The following DGKG variants were observed in gnomAD, a reference collection of about 807,000 sequenced individuals.
DGKG encodes diacylglycerol kinase gamma.
Under a neutral mutation model 105.3 loss-of-function variants are expected in DGKG, and 78 were observed. The observed-to-expected ratio is 0.74, with a 90% CI of 0.62 to 0.89. DGKG has a LOEUF of 0.89. DGKG is among the 40% of genes least tolerant of loss of function. The probability of loss-of-function intolerance (pLI) is 0.00; values close to 1 mark genes in which losing one functional copy is unlikely to be tolerated. For missense variants in DGKG, 958 were observed against 1,020.1 expected (o/e 0.94, Z 0.83); for synonymous variants, 346 against 367.1 (o/e 0.94, Z 0.66).
chr3:186,207,860 G>A (rs537548308), intron 21 of DGKG, among the ~76,000 whole-genome samples: 4 of 152,250 alleles, frequency 2.6e-5, no homozygotes, highest in Admixed American at 2.0e-4. Flanking sequence ...GTAAGCAAGC[G>A]CCATATTGAA....
chr3:186,170,303 G>A (rs1405110359), intron 22 of DGKG, among the ~76,000 whole-genome samples: 2 of 152,182 alleles, frequency 1.3e-5, no homozygotes, highest in Non-Finnish European at 2.9e-5. Context: ...GTTATTGGGT[G>A]GATCATTCCC....
At chr3:186,306,832 G>A in intron 3 of DGKG, 69 bp downstream of exon 3, 2 of 1,126,676 alleles carry the variant, frequency 1.8e-6, no homozygotes, top group East Asian at 2.4e-5. Flanking sequence ...GTCTCCAAGA[G>A]GGAAACAAAT....
chr3:186,308,514 T>C (rs906411307), intron 2 of DGKG, among the ~76,000 whole-genome samples: 2 of 152,192 alleles, frequency 1.3e-5, no homozygotes, highest in African/African-American at 4.8e-5. Context: ...GGTTAATGTC[T>C]CTTAAGCCTA....
At chr3:186,333,570 C>A (rs1725696639) in intron 1 of DGKG, among the ~76,000 whole-genome samples, 1 of 152,194 alleles carries the variant, frequency 6.6e-6, no homozygotes, top group Non-Finnish European at 1.5e-5. Flanking sequence ...ATGTGTTTTT[C>A]ATACTCCTTC....
chr3:186,174,339 G>A (rs751045646), intron 22 of DGKG, among the ~76,000 whole-genome samples: 8 of 152,116 alleles, frequency 5.3e-5, no homozygotes, highest in Non-Finnish European at 1.2e-4. Context: ...TTCCGACTTT[G>A]CTACACAGTA....
At chr3:186,275,497 G>A (rs186672482) in intron 10 of DGKG, 50 bp downstream of exon 10, 158 of 1,493,010 alleles carry the variant, frequency 1.1e-4, no homozygotes, top group East Asian at 8.2e-4. Context: ...CCAACCATGC[G>A]CAGAGCAAGA....
chr3:186,205,682 C>T (rs1021609057), intron 21 of DGKG, among the ~76,000 whole-genome samples: 3 of 151,852 alleles, frequency 2.0e-5, no homozygotes, highest in African/African-American at 7.3e-5. Context: ...CGCACTCCAG[C>T]CTGGGTGACA....
At chr3:186,259,053 G>A (rs1180544287) in intron 16 of DGKG, among the ~76,000 whole-genome samples, 2 of 152,200 alleles carry the variant, frequency 1.3e-5, no homozygotes, top group Non-Finnish European at 2.9e-5. Context: ...AATCACTGAT[G>A]CATGTGTAGG....
In DGKG at chr3:186,147,619, TC is replaced by T. The variant is rs2108462726; in HGVS notation, c.*2470del. The T allele has an allele frequency of 6.1e-6, 6 of 985,458 alleles. No individual in the cohort carries two copies. The South Asian group carries it at 1.4e-4, about 23-fold the overall frequency. The allele number at this position is 985,458 out of a possible 1,614,324, so 61.0% of individuals were successfully genotyped here. ...TATGTCTCTCAAGCAACATTGCAAG[TC>T]CTGTGCACTAGGGTGCAGCAGGTAA... On this transcript the variant is annotated 3_prime_UTR_variant, in exon 25 of 25. Transcript: ENST00000265022.
chr3:186,257,663 C>T (rs894936207), intron 17 of DGKG, 191 bp downstream of exon 17: 4 of 538,352 alleles, frequency 7.4e-6, no homozygotes, highest in African/African-American at 3.9e-5. Context: ...TGGAGGGAAT[C>T]ATTCGATTGT....
chr3:186,272,259 C>T lies in DGKG; in HGVS notation c.995G>A (p.Gly332Asp). 1 of 1,612,994 alleles carries T rather than the reference C, an allele frequency of 6.2e-7. No homozygotes were observed. Among genetic ancestry groups the T allele is most frequent in the Admixed American group, 1.7e-5 (1 of 60,018 alleles). Reference sequence around the variant, plus strand: ...AAGGCAGTAGATGTCACCAACCTCACCACTCCTTTTGGCTTTTGAGTACGT... The same window carrying T: ...AAGGCAGTAGATGTCACCAACCTCATCACTCCTTTTGGCTTTTGAGTACGT... ...VKTYSKAKRSGEVMQHAWVEG... is the reference protein window; with the variant it reads ...VKTYSKAKRSDEVMQHAWVEG... Residue 332 changes from glycine to aspartate, a missense_variant, in exon 11 of 25, where the codon GGT becomes GAT. Coordinates refer to ENST00000265022, the MANE Select transcript of DGKG (RefSeq NM_001346.3).
intron 22 of DGKG, among the ~76,000 whole-genome samples, chr3:186,167,070 A>G (rs1716583158): frequency 6.6e-6 from 1 of 151,286 alleles, no homozygotes; most frequent in African/African-American, 2.4e-5. Flanking sequence ...CTTCCCACAC[A>G]TTACCTTGCT....
Position 186,274,779 on chromosome 3 carries a change from A to G in DGKG, c.910+768T>C, listed in dbSNP as rs955717391. On this transcript the variant is annotated intron_variant, in intron 10 of 24. Transcript: ENST00000265022. The stretch of plus-strand genomic sequence containing the variant: ...ATATGTGCCACATTTTCTTAATCCA[A>G]TCTATCATTGATGGACATTTGGGTT... Among the ~76,000 whole-genome samples, 9 of 151,964 alleles carry G rather than the reference A, an allele frequency of 5.9e-5. No homozygotes were observed. In the East Asian group the frequency reaches 7.7e-4, roughly 13 times the overall value.
chr3:186,322,139 T>C (rs1725110627), intron 1 of DGKG, among the ~76,000 whole-genome samples: 1 of 152,198 alleles, frequency 6.6e-6, no homozygotes, highest in Non-Finnish European at 1.5e-5. Context: ...TCTTTAAATA[T>C]TGAAATGTTT....
chr3:186,248,568 C>T (rs1300118269), intron 19 of DGKG, among the ~76,000 whole-genome samples: 1 of 152,236 alleles, frequency 6.6e-6, no homozygotes, highest in Non-Finnish European at 1.5e-5. Context: ...AGTTCCCAGA[C>T]CTTACCCAGA....
intron 17 of DGKG, among the ~76,000 whole-genome samples, chr3:186,255,881 T>C (rs1721443925): frequency 1.3e-5 from 2 of 152,188 alleles, no homozygotes; most frequent in African/African-American, 4.8e-5. Flanking sequence ...TACGCAGTTA[T>C]CCCTTTTGCT....
intron 3 of DGKG, among the ~76,000 whole-genome samples, chr3:186,305,952 C>T (rs996739271): frequency 2.0e-5 from 3 of 152,044 alleles, no homozygotes; most frequent in Non-Finnish European, 4.4e-5. Flanking sequence ...TTGAGATGCC[C>T]ATTTGATTTT....
chr3:186,274,945 T>A (rs1367437963), intron 10 of DGKG, among the ~76,000 whole-genome samples: 1 of 152,156 alleles, frequency 6.6e-6, no homozygotes, highest in African/African-American at 2.4e-5. Context: ...TAGTTCTAGA[T>A]CCTTGAGGAA....
At chr3:186,244,327 T>C (rs976577780) in intron 19 of DGKG, among the ~76,000 whole-genome samples, 6 of 152,152 alleles carry the variant, frequency 3.9e-5, no homozygotes, top group Admixed American at 1.3e-4. Flanking sequence ...GAGGAGAAGA[T>C]GGGCTTATTT....
Sources: gnomAD v4.1 joint callset for allele counts (sites outside exome capture counted in the v4.1 genomes callset) on GRCh38, gnomAD v4.1.1 for gene constraint, MANE v1.5 for transcripts, NCBI Gene and HGNC (gene_info 2026-07-23, HGNC 2026-07-21) for gene names.